The following MAP4 variants were observed in gnomAD, a reference collection of about 807,000 sequenced individuals.
MAP4 encodes the protein microtubule-associated protein 4.
In MAP4, 76 loss-of-function variants were observed where a neutral mutation model predicts 170.2. That is an observed-to-expected ratio of 0.45 (90% CI 0.37 to 0.54). The LOEUF (loss-of-function observed/expected upper bound fraction) is 0.54, where lower values mean the gene tolerates loss of function less well. Ranked by LOEUF, MAP4 falls within the 20% of genes least tolerant of loss-of-function variation. The probability of loss-of-function intolerance (pLI) is 0.00; values close to 1 mark genes in which losing one functional copy is unlikely to be tolerated. For missense variants in MAP4, 2,506 were observed against 2,748.0 expected (o/e 0.91, Z 1.97); for synonymous variants, 909 against 994.5 (o/e 0.91, Z 1.62).
intron 1 of MAP4, among the ~76,000 whole-genome samples, chr3:48,055,434 A>T (rs2100130533): frequency 6.6e-6 from 1 of 151,290 alleles, no homozygotes; most frequent in Non-Finnish European, 1.5e-5. Flanking sequence ...TCCAGCCCCT[A>T]ACCGCGAGTG....
chr3:47,942,278 A>C (rs527900936), intron 3 of MAP4, among the ~76,000 whole-genome samples: 1 of 152,348 alleles, frequency 6.6e-6, no homozygotes, highest in South Asian at 2.1e-4. Context: ...AAAATTAAGA[A>C]AAATTAATGC....
chr3:47,891,908 G>C (rs1433740296), intron 10 of MAP4: 1 of 1,536,042 alleles, frequency 6.5e-7, no homozygotes, highest in East Asian at 2.4e-5. Flanking sequence ...TGAGCCCAGA[G>C]AGCCTTGAGC....
chr3:47,915,278 G>A (rs756369291), intron 7 of MAP4, among the ~76,000 whole-genome samples: 8 of 151,888 alleles, frequency 5.3e-5, no homozygotes, highest in Non-Finnish European at 8.8e-5. Context: ...CACCATGCCC[G>A]GCTAATTTTG....
intron 3 of MAP4, among the ~76,000 whole-genome samples, chr3:47,932,582 ATGT>A (rs777023774): frequency 8.5e-5 from 13 of 152,074 alleles, no homozygotes. Flanking sequence ...CTTCACCAAC[ATGT>A]TGTTATCTTT....
intron 1 of MAP4, among the ~76,000 whole-genome samples, chr3:48,052,338 A>C (rs2154549746): frequency 6.6e-6 from 1 of 152,308 alleles, no homozygotes; most frequent in East Asian, 1.9e-4. Context: ...CTCGTGCCTC[A>C]GCCTCCCGAG....
intron 1 of MAP4, among the ~76,000 whole-genome samples, chr3:48,069,415 T>C (rs941657018): frequency 6.6e-6 from 1 of 152,222 alleles, no homozygotes; most frequent in Non-Finnish European, 1.5e-5. Flanking sequence ...AGTTATTATG[T>C]GGTACAGATG....
intron 17 of MAP4, among the ~76,000 whole-genome samples, chr3:47,865,790 C>T (rs905602796): frequency 1.3e-4 from 20 of 152,196 alleles, no homozygotes; most frequent in African/African-American, 4.1e-4. Flanking sequence ...CTGTACATGG[C>T]GGCTTCTGGT....
intron 3 of MAP4, chr3:47,931,687 G>A (rs1271507383): frequency 2.7e-5 from 4 of 149,778 alleles, no homozygotes; most frequent in Admixed American, 2.0e-4. Context: ...TAGAGACAGG[G>A]TCTCATTATG....
At chr3:47,920,920 G>T (rs948926843) in intron 5 of MAP4, among the ~76,000 whole-genome samples, 1 of 152,170 alleles carries the variant, frequency 6.6e-6, no homozygotes, top group African/African-American at 2.4e-5. Context: ...CACTTTGGGA[G>T]GCTGAAGCGG....
chr3:48,051,547 T>C (rs1315534205), intron 1 of MAP4, among the ~76,000 whole-genome samples: 1 of 152,202 alleles, frequency 6.6e-6, no homozygotes, highest in East Asian at 1.9e-4. Context: ...TACACATTCT[T>C]TTTTATGGTT....
At chr3:47,967,311 G>T (rs2100075685) in intron 3 of MAP4, among the ~76,000 whole-genome samples, 1 of 151,802 alleles carries the variant, frequency 6.6e-6, no homozygotes, top group Non-Finnish European at 1.5e-5. Context: ...CTCCAGCCTG[G>T]GCGACAGAGC....
chr3:48,084,804 T>A (rs2100148278), intron 1 of MAP4, among the ~76,000 whole-genome samples: 1 of 69,688 alleles, frequency 1.4e-5, no homozygotes, highest in Non-Finnish European at 2.7e-5. Flanking sequence ...ACCGACTAAG[T>A]TGTTTTTGTT....
intron 2 of MAP4, among the ~76,000 whole-genome samples, chr3:47,998,197 G>C (rs1405835012): frequency 1.3e-5 from 2 of 152,160 alleles, no homozygotes; most frequent in African/African-American, 2.4e-5. Flanking sequence ...TAGCACATCT[G>C]ATCCAGGAAA....
Position 47,855,100 on chromosome 3 carries a change from G to T in MAP4, c.6696+148C>A. The T allele has an allele frequency of 1.6e-6, 1 of 624,592 alleles. No homozygotes were observed. The highest frequency in any genetic ancestry group is 2.9e-6 in the Non-Finnish European group (1 of 342,720). 38.7% of individuals were successfully genotyped at this position (624,592 alleles called of 1,614,324 possible). A position where few individuals can be genotyped will look rare whatever the true frequency, so the allele number is the denominator to read the frequency against. On this transcript the variant is annotated intron_variant, in intron 19 of 20. Coordinates refer to ENST00000683076, the MANE Select transcript of MAP4 (RefSeq NM_001385682.1). The surrounding 1 kb of genome is among the most constrained non-coding windows in gnomAD (Gnocchi z 5.1). ...GCCTCAGTCAGGACTGATGATACAC[G>T]GTGGGAAAACGGCAATGGTGTGGGT...
rs1430548296 is a variant in MAP4, at chr3:47,911,036, T to C, written c.3385A>G (p.Thr1129Ala). ...LGLNSSKQPG[T>A]KADLTEAVVM... ...ACTGCCTCCGTGAGATCAGCCTTAGTGCCTGGTTGCTTTGAAGAATTCAGC... is the reference window on the plus strand; with the variant it reads ...ACTGCCTCCGTGAGATCAGCCTTAGCGCCTGGTTGCTTTGAAGAATTCAGC... The change falls in exon 9 of 21, where the codon ACT becomes GCT. Residue 1129 changes from threonine to alanine, a missense_variant. By Grantham distance (58) the Thr-to-Ala change is moderately conservative (BLOSUM62 0). Coordinates refer to ENST00000683076, the MANE Select transcript of MAP4 (RefSeq NM_001385682.1). This position sits in a 1 kb window ranked among gnomAD's most constrained non-coding sequence, Gnocchi z 4.0. 3.9e-6 allele frequency: 6 copies of C among 1,536,190 alleles called. No individual in the cohort carries two copies. The East Asian group carries it at 1.2e-4, about 31-fold the overall frequency.
In MAP4 at chr3:47,921,754, A is replaced by C. The variant is rs374963561; in HGVS notation, c.529+11T>G. On this transcript the variant is annotated intron_variant, in intron 5 of 20. Transcript: ENST00000683076. ...TTCCCTACAGAATAAATCCATTTGA[A>C]GAAGCCATACCGTAACTGTCTTTCA... 149 of 1,525,600 alleles carry C rather than the reference A, an allele frequency of 9.8e-5. No homozygotes were observed. Among genetic ancestry groups the C allele is most frequent in the Non-Finnish European group, 1.2e-4 (135 of 1,100,010 alleles). The allele number at this position is 1,525,600 out of a possible 1,614,324, so 94.5% of individuals were successfully genotyped here.
At chr3:47,965,040 C>A (rs1263248248) in intron 3 of MAP4, among the ~76,000 whole-genome samples, 1 of 152,140 alleles carries the variant, frequency 6.6e-6, no homozygotes, top group Non-Finnish European at 1.5e-5. Context: ...CCCCTGGGAA[C>A]CACCATTCTA....
At chr3:48,004,216 A>G (rs1042952436) in intron 1 of MAP4, among the ~76,000 whole-genome samples, 3 of 152,148 alleles carry the variant, frequency 2.0e-5, no homozygotes, top group African/African-American at 7.2e-5. Flanking sequence ...GGGTTTCTGG[A>G]GTTGGCTGCT....
intron 10 of MAP4, among the ~76,000 whole-genome samples, chr3:47,888,687 A>G (rs1000270906): frequency 2.6e-5 from 4 of 152,268 alleles, no homozygotes; most frequent in African/African-American, 9.6e-5. Flanking sequence ...CACCAATTCC[A>G]GACACAGTAG....
Sources: allele counts gnomAD v4.1 joint callset (sites outside exome capture counted in the v4.1 genomes callset), GRCh38; gene constraint gnomAD v4.1.1; non-coding constraint Gnocchi (gnomAD v3.1); transcripts MANE v1.5; gene names NCBI Gene and HGNC (gene_info 2026-07-23, HGNC 2026-07-21).